Variants in LMO1 observed in about 807,000 individuals in gnomAD.
LMO1 encodes LIM domain only 1, also known as rhombotin-1.
Under a neutral mutation model 18.0 loss-of-function variants are expected in LMO1, and 10 were observed. The observed-to-expected ratio is 0.55, with a 90% confidence interval of 0.34 to 0.94. LMO1 has a LOEUF of 0.94. LMO1 is among the 40% of genes least tolerant of loss of function. The probability of loss-of-function intolerance (pLI) is 0.02; values close to 1 mark genes in which losing one functional copy is unlikely to be tolerated. For missense variants in LMO1, 183 were observed against 205.7 expected (o/e 0.89, Z 0.68); for synonymous variants, 77 against 77.9 (o/e 0.99, Z 0.06).
chr11:8,227,194 A>C, intron 2 of LMO1, 94 bp from the exon 3 acceptor site: 2 of 1,525,662 alleles, frequency 1.3e-6, no homozygotes, highest in Admixed American at 3.8e-5. Context: ...TCCTTCCCAT[A>C]CTCCAACTTG....
rs1020521524 is a variant in LMO1, at chr11:8,238,312, A to G, written c.26-7808T>C. ...TGAAAGAAGCTAGACACAAAAAGGT[A>G]CATACTGTATAATTTCATTTATATG... On this transcript the variant is annotated intron_variant, in intron 1 of 3. Transcript: ENST00000335790. 3.9e-5 allele frequency among the ~76,000 whole-genome samples: 6 copies of G among 152,254 alleles called. No individual in the cohort carries two copies. The South Asian group carries it at 1.2e-3, about 31-fold the overall frequency.
chr11:8,263,779 T>A lies in LMO1; in HGVS notation c.-417A>T. 9.3e-7 allele frequency: 1 copy of A among 1,075,888 alleles called. No homozygotes were observed. Among genetic ancestry groups the A allele is most frequent in the Non-Finnish European group, 1.1e-6 (1 of 887,220 alleles). The allele number at this position is 1,075,888 out of a possible 1,614,324, so 66.6% of individuals were successfully genotyped here. ...ACACAGCTTTCAGCCTCATAAAGTG[T>A]TTTCCCCTCGGATTTAATCTGAATC... On this transcript the variant is annotated 5_prime_UTR_variant, in exon 1 of 4. Transcript: ENST00000335790.
chr11:8,243,757 C>T (rs1281513349), intron 1 of LMO1, among the ~76,000 whole-genome samples: 1 of 152,218 alleles, frequency 6.6e-6, no homozygotes. Flanking sequence ...GAACAGACTG[C>T]TCTAGCCAAA....
At chr11:8,251,584 T>G (rs965022694) in intron 1 of LMO1, among the ~76,000 whole-genome samples, 13 of 151,796 alleles carry the variant, frequency 8.6e-5, no homozygotes, top group Admixed American at 7.2e-4. Context: ...TGGGGTGGCT[T>G]TGTAGGGCCC....
Position 8,224,608 on chromosome 11 carries a change from G to A in LMO1, c.*8C>T, listed in dbSNP as rs373701640. 4.5e-4 allele frequency: 702 copies of A among 1,562,006 alleles called. No homozygotes were observed. Among genetic ancestry groups the A allele is most frequent in the Admixed American group, 6.2e-4 (35 of 56,308 alleles). On this transcript the variant is annotated 3_prime_UTR_variant, in exon 4 of 4. Coordinates refer to ENST00000335790, the MANE Select transcript of LMO1 (RefSeq NM_002315.3). ...GGACAGACGGGCCTGGAGGCCAGGCGCCGGGCGTTACTGAACTTGGGATTC... is the reference window on the plus strand; with the variant it reads ...GGACAGACGGGCCTGGAGGCCAGGCACCGGGCGTTACTGAACTTGGGATTC...
At chr11:8,234,401 C>T (rs150265598) in intron 1 of LMO1, among the ~76,000 whole-genome samples, 1 of 152,088 alleles carries the variant, frequency 6.6e-6, no homozygotes, top group African/African-American at 2.4e-5. Context: ...GAGCAGTCCA[C>T]TAGGCCAGAC....
chr11:8,260,216 G>C (rs966985267), intron 1 of LMO1, among the ~76,000 whole-genome samples: 1 of 152,150 alleles, frequency 6.6e-6, no homozygotes, highest in African/African-American at 2.4e-5. Flanking sequence ...CATTTGACTT[G>C]GGTAGCATTC....
chr11:8,259,488 C>T (rs555471401), intron 1 of LMO1, among the ~76,000 whole-genome samples: 1 of 152,312 alleles, frequency 6.6e-6, no homozygotes, highest in South Asian at 2.1e-4. Flanking sequence ...GTAACCCTCC[C>T]GCTCCCCTGC....
rs578005202 is a variant in LMO1, at chr11:8,232,554, G to A, written c.26-2050C>T. Among the ~76,000 whole-genome samples, 45 of 152,294 alleles carry A rather than the reference G, an allele frequency of 3.0e-4. 2 individuals carry two copies. The South Asian group carries it at 9.1e-3, about 31-fold the overall frequency. On this transcript the variant is annotated intron_variant, in intron 1 of 3. Transcript: ENST00000335790. ...GGGCATGACCTTGTCCTTAGGCCCT[G>A]TGCAGGGAGCATGCAGCCAGCAGAG... is the stretch of plus-strand genomic sequence containing the variant.
upstream of LMO1, among the ~76,000 whole-genome samples, chr11:8,265,980 C>T (rs1414599473): frequency 1.3e-5 from 2 of 151,564 alleles, no homozygotes; most frequent in Non-Finnish European, 2.9e-5. Flanking sequence ...ACCAGCTCAC[C>T]TCAGCCTCCA....
intron 1 of LMO1, among the ~76,000 whole-genome samples, chr11:8,250,604 C>T (rs1379396068): frequency 6.6e-6 from 1 of 152,264 alleles, no homozygotes; most frequent in Non-Finnish European, 1.5e-5. Flanking sequence ...GGAGCCCTGG[C>T]CCCTGCCAAG....
At chr11:8,227,245 T>G (rs930943454) in intron 2 of LMO1, 145 bp from the exon 3 acceptor site, 3 of 1,345,982 alleles carry the variant, frequency 2.2e-6, no homozygotes, top group Non-Finnish European at 3.0e-6. Flanking sequence ...ATAAGAGCAC[T>G]GAGGGCAGCA....
chr11:8,230,520 C>G lies in LMO1; in HGVS notation c.26-16G>C. 1 of 1,607,760 alleles carries G rather than the reference C, an allele frequency of 6.2e-7. No individual in the cohort carries two copies. The highest frequency in any genetic ancestry group is 8.5e-7 in the Non-Finnish European group (1 of 1,179,388). ...ATCGGCACGCCTGCAGACGGACAGA[C>G]AGACAGCAACGCAGGATGGGCCCCG... On this transcript the variant is annotated splice_polypyrimidine_tract_variant and intron_variant, in intron 1 of 3. Coordinates refer to ENST00000335790, the MANE Select transcript of LMO1 (RefSeq NM_002315.3).
At chr11:8,236,924 C>A (rs1952770455) in intron 1 of LMO1, among the ~76,000 whole-genome samples, 1 of 152,186 alleles carries the variant, frequency 6.6e-6, no homozygotes, top group South Asian at 2.1e-4. Flanking sequence ...CACACATATG[C>A]ACAAGCAGCC....
chr11:8,230,783 G>T (rs1249820793), intron 1 of LMO1, among the ~76,000 whole-genome samples: 1 of 152,212 alleles, frequency 6.6e-6, no homozygotes, highest in East Asian at 1.9e-4. Context: ...TGGCCTCCCT[G>T]AGTTGTTCCT....
intron 2 of LMO1, among the ~76,000 whole-genome samples, chr11:8,228,194 G>A (rs1223021068): frequency 2.6e-5 from 4 of 152,236 alleles, no homozygotes. Flanking sequence ...TTAGCTGCTG[G>A]CTGTAAAGCT....
Position 8,263,690 on chromosome 11 carries a change from T to G in LMO1, c.-328A>C. ...TTCTCACCTTCTAAATGGCTCAATT[T>G]GCCCAGTATAATCTGTCTTAATGTA... On this transcript the variant is annotated 5_prime_UTR_variant, in exon 1 of 4. Coordinates refer to ENST00000335790, the MANE Select transcript of LMO1 (RefSeq NM_002315.3). 7.9e-7 allele frequency: 1 copy of G among 1,259,192 alleles called. No homozygotes were observed. The highest frequency in any genetic ancestry group is 2.3e-5 in the South Asian group (1 of 42,850). 78.0% of individuals were successfully genotyped at this position (1,259,192 alleles called of 1,614,324 possible). A position where few individuals can be genotyped will look rare whatever the true frequency, so the allele number is the denominator to read the frequency against.
chr11:8,259,357 C>G (rs1300613290), intron 1 of LMO1, among the ~76,000 whole-genome samples: 2 of 152,220 alleles, frequency 1.3e-5, no homozygotes. Context: ...TTTACAGACA[C>G]TCTGCCTGGC....
intron 1 of LMO1, among the ~76,000 whole-genome samples, chr11:8,260,379 C>G (rs1225589278): frequency 6.6e-6 from 1 of 152,180 alleles, no homozygotes; most frequent in Non-Finnish European, 1.5e-5. Flanking sequence ...GCAGACCCAG[C>G]AGCATGTAGA....
Sources: gnomAD v4.1 joint callset for allele counts (sites outside exome capture counted in the v4.1 genomes callset) on GRCh38, gnomAD v4.1.1 for gene constraint, MANE v1.5 for transcripts, NCBI Gene and HGNC (gene_info 2026-07-23, HGNC 2026-07-21) for gene names.